Variants in SPTSSB observed in about 807,000 individuals in gnomAD.
The protein encoded by SPTSSB is serine palmitoyltransferase small subunit B.
In SPTSSB, 6 loss-of-function variants were observed where a neutral mutation model predicts 7.7. The ratio of observed to expected loss-of-function variants is 0.78; its 90% CI spans 0.43 to 1.54. SPTSSB has a LOEUF of 1.54. Among genes scored for constraint, SPTSSB ranks in the 40% most tolerant of loss-of-function variants. SPTSSB has a pLI of 0.01. For synonymous variants in SPTSSB, 28 were observed against 29.7 expected (o/e 0.94, Z 0.19); for missense variants, 91 against 93.0 (o/e 0.98, Z 0.09).
chr3:161,350,922 GTCT>G (rs1168239622), intron 2 of SPTSSB, among the ~76,000 whole-genome samples: 1 of 152,016 alleles, frequency 6.6e-6, no homozygotes, highest in East Asian at 1.9e-4. Context: ...TACCTCTGTG[GTCT>G]TCTTCCCAAT....
intron 1 of SPTSSB, among the ~76,000 whole-genome samples, chr3:161,368,414 C>T (rs1307444289): frequency 6.9e-6 from 1 of 145,846 alleles, no homozygotes; most frequent in Non-Finnish European, 1.5e-5. Context: ...CCCGTTTTCT[C>T]CCTAATCTTA....
At chr3:161,351,613 AAG>A (rs558236612) in intron 2 of SPTSSB, among the ~76,000 whole-genome samples, 5 of 146,432 alleles carry the variant, frequency 3.4e-5, no homozygotes, top group Admixed American at 6.7e-5. Flanking sequence ...GAGAGAGAGA[AAG>A]AGAGAGAGAG....
rs766616228 is a variant in SPTSSB, at chr3:161,346,232, C to T, written c.92G>A (p.Arg31Gln). Reference protein sequence around the residue: ...SCCAVLEPWERSMFNTILLTI... With the variant: ...SCCAVLEPWEQSMFNTILLTI... Reference sequence around the variant, plus strand: ...TAGTAAGATGGTGTTAAACATAGATCGCTCCCAGGGCTCTAAAACAGCACA... The same window carrying T: ...TAGTAAGATGGTGTTAAACATAGATTGCTCCCAGGGCTCTAAAACAGCACA... Residue 31 changes from arginine (R) to glutamine (Q), a missense_variant, in exon 3 of 3, where the codon CGA becomes CAA. Physicochemically the swap from Arg to Gln is conservative, Grantham distance 43. Coordinates refer to ENST00000620149, the MANE Select transcript of SPTSSB (RefSeq NM_001040100.2). The T allele has an allele frequency of 2.0e-5, 33 of 1,613,536 alleles. No individual in the cohort carries two copies. The highest frequency in any genetic ancestry group is 1.1e-4 in the South Asian group (10 of 91,050).
intron 2 of SPTSSB, among the ~76,000 whole-genome samples, chr3:161,356,413 T>A (rs1714771641): frequency 6.6e-6 from 1 of 152,194 alleles, no homozygotes; most frequent in Admixed American, 6.5e-5. Context: ...ATCCAGTGAA[T>A]AATTTGAGGG....
At chr3:161,363,596 A>G (rs1421928696) in intron 1 of SPTSSB, among the ~76,000 whole-genome samples, 2 of 152,088 alleles carry the variant, frequency 1.3e-5, no homozygotes, top group Non-Finnish European at 2.9e-5. Flanking sequence ...TATGAAAAAT[A>G]TAGACAACCA....
At chr3:161,362,176 A>C (rs1192936130) in intron 1 of SPTSSB, among the ~76,000 whole-genome samples, 1 of 152,048 alleles carries the variant, frequency 6.6e-6, no homozygotes, top group Non-Finnish European at 1.5e-5. Context: ...TCTATGCCTA[A>C]TTTTTCTATC....
chr3:161,357,011 G>C (rs981695917), intron 2 of SPTSSB, among the ~76,000 whole-genome samples: 1 of 152,034 alleles, frequency 6.6e-6, no homozygotes, highest in Admixed American at 6.5e-5. Context: ...AATAAAAAAG[G>C]AAAAGAAAAG....
chr3:161,354,869 C>T (rs1445624085), intron 2 of SPTSSB, among the ~76,000 whole-genome samples: 6 of 152,024 alleles, frequency 3.9e-5, no homozygotes, highest in African/African-American at 9.7e-5. Flanking sequence ...ATTTGGAATT[C>T]GACTTTAACA....
intron 2 of SPTSSB, chr3:161,347,901 A>G (rs1327619144): frequency 6.6e-6 from 1 of 152,148 alleles, no homozygotes; most frequent in East Asian, 1.9e-4. Flanking sequence ...GCACTAATTA[A>G]GTGATGAGTA....
chr3:161,359,621 A>C, intron 2 of SPTSSB, 181 bp downstream of exon 2: 2 of 603,004 alleles, frequency 3.3e-6, no homozygotes, highest in Non-Finnish European at 4.2e-6. Context: ...CCAAATTACT[A>C]GAGCTAATTG....
rs139940534 is a variant in SPTSSB at position 161,350,395 on chromosome 3, C to T, written c.-32-4040G>A. Among the ~76,000 whole-genome samples the T allele has an allele frequency of 3.1e-3, 468 of 152,258 alleles. 3 individuals carry two copies. Among genetic ancestry groups the T allele is most frequent in the African/African-American group, 0.011 (445 of 41,556 alleles). On this transcript the variant is annotated intron_variant, in intron 2 of 2. Transcript: ENST00000620149. Reference sequence around the variant, plus strand: ...TCCTGGGGAAAAAAAAGACTTAGTACATTTTGGTTTAAATTTACTTCTAGA... The same window carrying T: ...TCCTGGGGAAAAAAAAGACTTAGTATATTTTGGTTTAAATTTACTTCTAGA...
chr3:161,368,651 C>A (rs112805131), intron 1 of SPTSSB, among the ~76,000 whole-genome samples: 37 of 152,200 alleles, frequency 2.4e-4, no homozygotes, highest in African/African-American at 7.5e-4. Flanking sequence ...TGGTCTCGAT[C>A]TCCTGACCTC....
chr3:161,369,244 C>CTCTT (rs377026665), intron 1 of SPTSSB, among the ~76,000 whole-genome samples: 6,038 of 151,086 alleles, frequency 0.04, 179 homozygotes, highest in East Asian at 0.08. Context: ...TTGCTATTAT[C>CTCTT]TCTTTCTTTC....
chr3:161,349,979 T>C (rs982285654), intron 2 of SPTSSB, among the ~76,000 whole-genome samples: 1 of 152,144 alleles, frequency 6.6e-6, no homozygotes, highest in African/African-American at 2.4e-5. Context: ...TTGAGACTTA[T>C]GACTCATTAC....
At position 161,363,844 on chromosome 3, in the gene SPTSSB, C is replaced by T. The variant is rs1446952877; in HGVS notation, c.-125-3950G>A. Reference sequence around the variant, plus strand: ...AAGGTACCTCAAGATTTATTCCATTCGTACCACAAACATTTATTGGTCACT... The same window carrying T: ...AAGGTACCTCAAGATTTATTCCATTTGTACCACAAACATTTATTGGTCACT... On this transcript the variant is annotated intron_variant, in intron 1 of 2. Transcript: ENST00000620149. Among the ~76,000 whole-genome samples, 51 of 151,934 alleles carry T rather than the reference C, an allele frequency of 3.4e-4. 1 individual carries two copies. Among genetic ancestry groups the T allele is most frequent in the Non-Finnish European group, 4.4e-5 (3 of 67,972 alleles).
chr3:161,354,527 G>T (rs1297922847), intron 2 of SPTSSB, among the ~76,000 whole-genome samples: 5 of 152,134 alleles, frequency 3.3e-5, no homozygotes, highest in African/African-American at 9.7e-5. Context: ...AAACAGTTTT[G>T]TAGAGGCCAG....
chr3:161,371,517 C>T lies in SPTSSB; in HGVS notation c.-208G>A, dbSNP rs1278138128. The T allele has an allele frequency of 1.8e-5, 18 of 985,402 alleles. No individual in the cohort carries two copies. The Admixed American group carries it at 1.0e-3, about 57-fold the overall frequency. The allele number at this position is 985,402 out of a possible 1,614,324, so 61.0% of individuals were successfully genotyped here. A position where few individuals can be genotyped will look rare whatever the true frequency, so the allele number is the denominator to read the frequency against. On this transcript the variant is annotated 5_prime_UTR_variant, in exon 1 of 3. Coordinates refer to ENST00000620149, the MANE Select transcript of SPTSSB (RefSeq NM_001040100.2). ...CCCAGCTGCTGCGAGCTTCCCACTGCGCCGGGCGCCTGGGAGCCTCCCGGA... is the reference window on the plus strand; with the variant it reads ...CCCAGCTGCTGCGAGCTTCCCACTGTGCCGGGCGCCTGGGAGCCTCCCGGA...
At chr3:161,369,345 T>TC in intron 1 of SPTSSB, among the ~76,000 whole-genome samples, 3 of 106,506 alleles carry the variant, frequency 2.8e-5, no homozygotes, top group African/African-American at 1.2e-4. Context: ...TCTTTCTTTC[T>TC]TTCTTTCTCT....
chr3:161,353,930 T>C (rs561475772), intron 2 of SPTSSB, among the ~76,000 whole-genome samples: 47 of 152,286 alleles, frequency 3.1e-4, no homozygotes, highest in African/African-American at 9.6e-4. Flanking sequence ...ATTCCTCATG[T>C]TGACAGCAGA....
Sources: gnomAD v4.1 joint callset for allele counts (sites outside exome capture counted in the v4.1 genomes callset) on GRCh38, gnomAD v4.1.1 for gene constraint, MANE v1.5 for transcripts, NCBI Gene and HGNC (gene_info 2026-07-23, HGNC 2026-07-21) for gene names.